Variants in TLCD3A observed in about 807,000 individuals in gnomAD.
TLCD3A encodes TLC domain containing 3A.
Under a neutral mutation model 29.9 loss-of-function variants are expected in TLCD3A, and 17 were observed. The ratio of observed to expected loss-of-function variants is 0.57; its 90% CI spans 0.39 to 0.85. The LOEUF is 0.85. TLCD3A is among the 40% of genes least tolerant of loss of function. TLCD3A has a pLI of 0.00. For missense variants in TLCD3A, 332 were observed against 350.8 expected, an observed-to-expected ratio of 0.95 and a Z score of 0.43; for synonymous variants, 143 against 147.7, an observed-to-expected ratio of 0.97 and a Z score of 0.23.
intron 2 of TLCD3A, 87 bp downstream of exon 2, chr17:733,268 GCTGA>G (rs1404924834): frequency 8.6e-6 from 11 of 1,272,018 alleles, no homozygotes; most frequent in East Asian, 2.9e-5. Flanking sequence ...CGCTCAGAAA[GCTGA>G]CTAATGGGAA....
intron 2 of TLCD3A, 25 bp from the exon 3 acceptor site, chr17:737,821 G>A (rs191324238): frequency 4.4e-6 from 7 of 1,606,558 alleles, no homozygotes; most frequent in East Asian, 4.5e-5. Context: ...ATGATTTCAC[G>A]GGCCATTCAT....
chr17:737,427 C>A (rs564346892), intron 2 of TLCD3A, among the ~76,000 whole-genome samples: 1 of 151,872 alleles, frequency 6.6e-6, no homozygotes, highest in African/African-American at 2.4e-5. Context: ...AGTAAAACCC[C>A]CAACTGTTGA....
chr17:738,098 T>G lies in TLCD3A; in HGVS notation c.408+51T>G, dbSNP rs751465281. On this transcript the variant is annotated intron_variant, in intron 3 of 4. Transcript: ENST00000308278. ...AGCAGCTGGGTTGAGCTGGGTGTCT[T>G]TTTTTTTTTTTTTTTCTGAGACAGT... 1,829 of 1,084,178 alleles carry G rather than the reference T, an allele frequency of 1.7e-3. 18 individuals carry two copies. The highest frequency in any genetic ancestry group is 5.2e-3 in the Admixed American group (176 of 33,842). 67.2% of individuals were successfully genotyped at this position (1,084,178 alleles called of 1,614,324 possible).
chr17:740,370 TAC>T, intron 3 of TLCD3A, 133 bp from the exon 4 acceptor site: 1 of 716,600 alleles, frequency 1.4e-6, no homozygotes, highest in Non-Finnish European at 2.5e-6. Context: ...GAAGCAGCGG[TAC>T]AGTAGTCTGC....
intron 3 of TLCD3A, among the ~76,000 whole-genome samples, chr17:739,784 C>T (rs1306134652): frequency 6.6e-6 from 1 of 152,176 alleles, no homozygotes; most frequent in African/African-American, 2.4e-5. Flanking sequence ...ATGCTTACTG[C>T]TTTCTTGAAA....
chr17:733,026 A>AGGGCC (rs3830920), intron 1 of TLCD3A, 72 bp from the exon 2 acceptor site: 689,121 of 1,468,256 alleles, frequency 0.47, 164,881 homozygotes, highest in South Asian at 0.55. Context: ...GTCAGGCCGA[A>AGGGCC]GGGCCGGGCC....
Position 740,502 on chromosome 17 carries a change from C to G in TLCD3A, c.409-3C>G. The G allele has an allele frequency of 6.2e-7, 1 of 1,613,498 alleles. No individual in the cohort carries two copies. The highest frequency in any genetic ancestry group is 8.5e-7 in the Non-Finnish European group (1 of 1,179,434). On this transcript the variant is annotated splice_polypyrimidine_tract_variant and splice_region_variant and intron_variant, in intron 3 of 4. Coordinates refer to ENST00000308278, the MANE Select transcript of TLCD3A (RefSeq NM_024792.3). ...CTTCCCCTTTTCGTTTCGTCATCCG[C>G]AGAGGCTCCGGGGAGACCTTGGGGA...
intron 2 of TLCD3A, among the ~76,000 whole-genome samples, chr17:736,453 A>T (rs1974154739): frequency 6.6e-6 from 1 of 152,224 alleles, no homozygotes. Flanking sequence ...TGGGAACCAC[A>T]TTGTATGAAT....
At position 735,953 on chromosome 17, in the gene TLCD3A, G is replaced by A. The variant is rs971118777; in HGVS notation, c.207-1893G>A. Among the ~76,000 whole-genome samples, 3 of 134,442 alleles carry A rather than the reference G, an allele frequency of 2.2e-5. No individual in the cohort carries two copies. The East Asian group carries it at 6.7e-4, about 30-fold the overall frequency. The allele number at this position is 134,442 out of a possible 152,430, so 88.2% of individuals were successfully genotyped here. On this transcript the variant is annotated intron_variant, in intron 2 of 4. Coordinates refer to ENST00000308278, the MANE Select transcript of TLCD3A (RefSeq NM_024792.3). Reference sequence around the variant, plus strand: ...TCGCGCCACTACATCCAGCCTGGGCGACAGAGCAAGATTTTGTCTCAAAAA... The same window carrying A: ...TCGCGCCACTACATCCAGCCTGGGCAACAGAGCAAGATTTTGTCTCAAAAA...
At position 737,810 on chromosome 17, in the gene TLCD3A, A is replaced by G. The variant is rs200905023; in HGVS notation, c.207-36A>G. The G allele has an allele frequency of 2.5e-6, 4 of 1,586,034 alleles. No homozygotes were observed. The South Asian group carries it at 3.3e-5, about 13-fold the overall frequency. On this transcript the variant is annotated intron_variant, in intron 2 of 4. Coordinates refer to ENST00000308278, the MANE Select transcript of TLCD3A (RefSeq NM_024792.3). The stretch of plus-strand genomic sequence containing the variant: ...GTGAGCCTTCATAATGGATATCCAC[A>G]ATGATTTCACGGGCCATTCATATGC...
intron 1 of TLCD3A, 22 bp from the exon 2 acceptor site, chr17:733,075 GC>G: frequency 6.6e-7 from 1 of 1,518,254 alleles, no homozygotes; most frequent in Non-Finnish European, 8.9e-7. Context: ...GAGCGCGCGC[GC>G]TGTTCTCTCC....
chr17:734,996 T>C (rs1437998234), intron 2 of TLCD3A, among the ~76,000 whole-genome samples: 1 of 151,896 alleles, frequency 6.6e-6, no homozygotes, highest in African/African-American at 2.4e-5. Context: ...TAGTACCTTT[T>C]AACATTTAAA....
chr17:733,502 C>G (rs1193767530), intron 2 of TLCD3A, among the ~76,000 whole-genome samples: 1 of 152,212 alleles, frequency 6.6e-6, no homozygotes, highest in Non-Finnish European at 1.5e-5. Context: ...TGGGTTCTCA[C>G]TCTGGAGCAT....
chr17:733,077 T>C (rs775070355), intron 1 of TLCD3A, 21 bp from the exon 2 acceptor site: 1 of 1,521,296 alleles, frequency 6.6e-7, no homozygotes, highest in Non-Finnish European at 8.8e-7. Context: ...GCGCGCGCGC[T>C]GTTCTCTCCG....
intron 4 of TLCD3A, among the ~76,000 whole-genome samples, 178 bp downstream of exon 4, chr17:740,778 G>C (rs1271523677): frequency 6.6e-6 from 1 of 152,200 alleles, no homozygotes; most frequent in Admixed American, 6.5e-5. Flanking sequence ...TTCTGATTCA[G>C]GCATGCATGA....
chr17:741,155 C>T (rs1974246765), intron 4 of TLCD3A, 146 bp from the exon 5 acceptor site: 18 of 737,584 alleles, frequency 2.4e-5, no homozygotes, highest in South Asian at 1.8e-5. Flanking sequence ...ACTAGACAAA[C>T]GTCTGGGCGC....
Position 733,186 on chromosome 17 carries a change from G to C in TLCD3A, c.206+5G>C. 1 of 1,549,270 alleles carries C rather than the reference G, an allele frequency of 6.5e-7. No homozygotes were observed. Among genetic ancestry groups the C allele is most frequent in the South Asian group, 1.2e-5 (1 of 83,524 alleles). Reference sequence around the variant, plus strand: ...CGACGACGTGATCACCGGCAGGTAAGAGCCCGGGCCGGGGCCTTGTTGCAA... The same window carrying C: ...CGACGACGTGATCACCGGCAGGTAACAGCCCGGGCCGGGGCCTTGTTGCAA... On this transcript the variant is annotated splice_donor_5th_base_variant and intron_variant, in intron 2 of 4. Coordinates refer to ENST00000308278, the MANE Select transcript of TLCD3A (RefSeq NM_024792.3).
At chr17:736,595 C>G (rs1401863911) in intron 2 of TLCD3A, among the ~76,000 whole-genome samples, 1 of 152,178 alleles carries the variant, frequency 6.6e-6, no homozygotes, top group East Asian at 1.9e-4. Context: ...CTCCTGGTAC[C>G]TAACCGCTGT....
Position 736,352 on chromosome 17 carries a change from G to A in TLCD3A, c.207-1494G>A, listed in dbSNP as rs1038959481. On this transcript the variant is annotated intron_variant, in intron 2 of 4. Transcript: ENST00000308278. ...CCTAATACGTGGATGCGCATCAAAC[G>A]TTTGCTGACCATGTGAATGGAATCC... 3.3e-5 allele frequency among the ~76,000 whole-genome samples: 5 copies of A among 152,294 alleles called. No homozygotes were observed. In the South Asian group the frequency reaches 6.2e-4, roughly 19 times the overall value.
Sources: gnomAD v4.1 joint callset for allele counts (sites outside exome capture counted in the v4.1 genomes callset) on GRCh38, gnomAD v4.1.1 for gene constraint, MANE v1.5 for transcripts, NCBI Gene and HGNC (gene_info 2026-07-23, HGNC 2026-07-21) for gene names.